The following STK3 variants were observed in gnomAD, a reference collection of about 807,000 sequenced individuals.
STK3 encodes the protein serine/threonine-protein kinase 3.
A neutral mutation model predicts 58.0 loss-of-function variants in STK3; 41 were observed. That is an observed-to-expected ratio of 0.71 (90% CI 0.55 to 0.92). The LOEUF (loss-of-function observed/expected upper bound fraction) is 0.92, where lower values mean the gene tolerates loss of function less well. Ranked by LOEUF, STK3 falls within the 40% of genes least tolerant of loss-of-function variation. The pLI, the probability that STK3 is intolerant of heterozygous loss-of-function variation, is 0.00. For synonymous variants in STK3, 170 were observed against 191.0 expected (o/e 0.89, Z 0.91); for missense variants, 479 against 602.7 (o/e 0.79, Z 2.15).
intron 6 of STK3, among the ~76,000 whole-genome samples, chr8:98,613,598 T>A (rs1817377507): frequency 6.6e-6 from 1 of 150,588 alleles, no homozygotes; most frequent in South Asian, 2.1e-4. Flanking sequence ...ACACTATAGA[T>A]AAATCAAAAG....
At chr8:98,572,321 C>T (rs531568971) in intron 8 of STK3, among the ~76,000 whole-genome samples, 1 of 152,082 alleles carries the variant, frequency 6.6e-6, no homozygotes, top group African/African-American at 2.4e-5. Flanking sequence ...ATATACACAA[C>T]CTAGATTAAA....
chr8:98,549,217 C>T (rs569585233), intron 8 of STK3, among the ~76,000 whole-genome samples: 8 of 152,228 alleles, frequency 5.3e-5, no homozygotes, highest in Non-Finnish European at 1.2e-4. Flanking sequence ...TTTTACACTC[C>T]CACCAGCAAT....
chr8:98,650,161 G>A (rs1350115546), intron 6 of STK3, among the ~76,000 whole-genome samples: 2 of 152,090 alleles, frequency 1.3e-5, no homozygotes, highest in Non-Finnish European at 2.9e-5. Flanking sequence ...AATCATATCA[G>A]CAAAATAAAA....
chr8:98,643,963 T>C (rs908948995), intron 6 of STK3, among the ~76,000 whole-genome samples: 2 of 152,094 alleles, frequency 1.3e-5, no homozygotes, highest in South Asian at 2.1e-4. Context: ...CTGTAGTTAC[T>C]ATGATCACAC....
At chr8:98,932,971 T>C (rs915844557) in intron 1 of STK3, among the ~76,000 whole-genome samples, 1 of 152,192 alleles carries the variant, frequency 6.6e-6, no homozygotes, top group African/African-American at 2.4e-5. Flanking sequence ...GTCAGCTAGT[T>C]TGAGGAAATT....
In STK3 at chr8:98,380,319, A is replaced by C. The variant is rs866836829; in HGVS notation, n.57-1112T>G. On this transcript the variant is annotated intron_variant and non_coding_transcript_variant, in intron 1 of 2. Coordinates refer to the STK3 transcript ENST00000518704. ...TACCACAATAAAATAAATTTTAAAAAGGAAAAGCAAAAAATAGAAAATACA... is the reference window on the plus strand; with the variant it reads ...TACCACAATAAAATAAATTTTAAAACGGAAAAGCAAAAAATAGAAAATACA... Among the ~76,000 whole-genome samples, 5 of 152,354 alleles carry C rather than the reference A, an allele frequency of 3.3e-5. 1 individual carries two copies. In the Middle Eastern group the frequency reaches 0.01, roughly 311 times the overall value.
At chr8:98,611,330 A>G (rs916603039) in intron 6 of STK3, among the ~76,000 whole-genome samples, 2 of 152,164 alleles carry the variant, frequency 1.3e-5, no homozygotes, top group African/African-American at 4.8e-5. Flanking sequence ...GAAAATATGA[A>G]AAGTTTATAA....
chr8:98,760,665 A>G (rs1394467483), intron 3 of STK3, among the ~76,000 whole-genome samples: 2 of 150,936 alleles, frequency 1.3e-5, no homozygotes, highest in Admixed American at 1.3e-4. Context: ...TCCTTCCCCT[A>G]TTTAACGCCT....
At chr8:98,481,329 G>T (rs148633874) in intron 10 of STK3, among the ~76,000 whole-genome samples, 1 of 151,982 alleles carries the variant, frequency 6.6e-6, no homozygotes, top group African/African-American at 2.4e-5. Flanking sequence ...ATTCACAGTC[G>T]CAAAGATATG....
intron 7 of STK3, chr8:98,595,804 C>A: frequency 1.0e-5 from 4 of 401,872 alleles, no homozygotes; most frequent in Non-Finnish European, 1.8e-5. Flanking sequence ...ACTATGAAGA[C>A]AAAGATTCCT....
chr8:98,766,614 C>T (rs537337767), intron 3 of STK3, among the ~76,000 whole-genome samples: 7 of 152,080 alleles, frequency 4.6e-5, no homozygotes, highest in Non-Finnish European at 1.0e-4. Context: ...AAGGGTCTCA[C>T]TATGTTGCTC....
chr8:98,514,600 T>G (rs1479813330), intron 10 of STK3, among the ~76,000 whole-genome samples: 3 of 150,568 alleles, frequency 2.0e-5, no homozygotes, highest in African/African-American at 7.3e-5. Flanking sequence ...ACAGCTGTAA[T>G]CGGCCTACAT....
At chr8:98,830,057 T>C (rs1232772973), upstream of STK3, among the ~76,000 whole-genome samples, 2 of 151,808 alleles carry the variant, frequency 1.3e-5, no homozygotes, top group African/African-American at 4.8e-5. Flanking sequence ...TGAAACCCCG[T>C]CTCTACTAAA....
intron 1 of STK3, among the ~76,000 whole-genome samples, chr8:98,895,100 C>T (rs1045567220): frequency 1.3e-5 from 2 of 152,184 alleles, no homozygotes; most frequent in African/African-American, 2.4e-5. Context: ...TCATTCTTCA[C>T]GCCTGAGTCT....
chr8:98,721,220 C>T (rs1827398692), intron 4 of STK3: 1 of 645,158 alleles, frequency 1.6e-6, no homozygotes, highest in Non-Finnish European at 1.9e-6. Context: ...TAGAAGAAAA[C>T]CAAAGTAAGT....
At chr8:98,760,727 G>A (rs917448620) in intron 3 of STK3, among the ~76,000 whole-genome samples, 1 of 132,806 alleles carries the variant, frequency 7.5e-6, no homozygotes, top group Non-Finnish European at 1.7e-5. Flanking sequence ...TTTTGAGGGG[G>A]TGGGGGGCTT....
At chr8:98,394,011 C>A (rs568819570) in intron 3 of STK3, among the ~76,000 whole-genome samples, 2 of 152,104 alleles carry the variant, frequency 1.3e-5, no homozygotes, top group Non-Finnish European at 1.5e-5. Flanking sequence ...TATTGGAGTA[C>A]AAGGCTTTAG....
chr8:98,941,180 C>A (rs1840410578), intron 1 of STK3, among the ~76,000 whole-genome samples: 1 of 152,260 alleles, frequency 6.6e-6, no homozygotes, highest in Non-Finnish European at 1.5e-5. Flanking sequence ...TGCGCTTTCC[C>A]ACCTCAGCCC....
Position 98,413,688 on chromosome 8 carries a change from A to G in STK3, n.484-12175T>C, listed in dbSNP as rs1818082746. On this transcript the variant is annotated intron_variant and non_coding_transcript_variant, in intron 3 of 3. Coordinates refer to the STK3 transcript ENST00000517832. Reference sequence around the variant, plus strand: ...GAGGAACTCTACAGTGTGCACCACAAATTGGTTTAGAAAAGCCACCGTTCT... The same window carrying G: ...GAGGAACTCTACAGTGTGCACCACAGATTGGTTTAGAAAAGCCACCGTTCT... 5 of 953,272 alleles carry G rather than the reference A, an allele frequency of 5.2e-6. No individual in the cohort carries two copies. The South Asian group carries it at 6.4e-5, about 12-fold the overall frequency. The allele number at this position is 953,272 out of a possible 1,614,324, so 59.1% of individuals were successfully genotyped here.
Sources: allele counts gnomAD v4.1 joint callset (sites outside exome capture counted in the v4.1 genomes callset), GRCh38; gene constraint gnomAD v4.1.1; transcripts MANE v1.5; gene names NCBI Gene and HGNC (gene_info 2026-07-23, HGNC 2026-07-21).